The following KRT77 variants were observed in gnomAD, a reference collection of about 807,000 sequenced individuals.
The protein encoded by KRT77 is keratin 77.
In KRT77, 44 loss-of-function variants were observed where a neutral mutation model predicts 51.5. That is an observed-to-expected ratio of 0.85 (90% CI 0.67 to 1.10). The LOEUF (loss-of-function observed/expected upper bound fraction) is 1.10. KRT77 is among the 50% of genes least tolerant of loss of function. KRT77 has a pLI of 0.00. For synonymous variants in KRT77, 293 were observed against 302.0 expected, an observed-to-expected ratio of 0.97 and a Z score of 0.31; for missense variants, 763 against 743.9, an observed-to-expected ratio of 1.03 and a Z score of -0.30.
At position 52,697,702 on chromosome 12, in the gene KRT77, G is replaced by A. The variant is rs761226338; in HGVS notation, c.738C>T (p.Val246=). ...CTCACTTGCTCTTGTAGTCCTCCAC[G>A]ACATCCTGCATGCTCCTGACCTCCG... ...QNAEVRSMQD[V]VEDYKSKYED... is the part of the protein sequence containing the mutation. Residue 246 remains valine, a synonymous_variant, in exon 2 of 9, where the codon GTC becomes GTT. Transcript: ENST00000341809. 6.6e-5 allele frequency: 107 copies of A among 1,613,100 alleles called. No homozygotes were observed. Among genetic ancestry groups the A allele is most frequent in the Non-Finnish European group, 8.3e-5 (98 of 1,179,688 alleles).
rs545672766 is a variant in KRT77 at position 52,692,751 on chromosome 12, C to T, written c.1206+4G>A. On this transcript the variant is annotated splice_donor_region_variant and intron_variant, in intron 6 of 8. Coordinates refer to ENST00000341809, the MANE Select transcript of KRT77 (RefSeq NM_175078.3). Reference sequence around the variant, plus strand: ...GGTCAGCCCTCCCTAAGCACCCGTCCCACCTGCTTCTTCACGTTGCTGATC... The same window carrying T: ...GGTCAGCCCTCCCTAAGCACCCGTCTCACCTGCTTCTTCACGTTGCTGATC... 71 of 1,604,036 alleles carry T rather than the reference C, an allele frequency of 4.4e-5. 4 individuals are homozygous for T. The South Asian group carries it at 6.7e-4, about 15-fold the overall frequency.
intron 4 of KRT77, 75 bp from the exon 5 acceptor site, chr12:52,694,865 A>G: frequency 7.5e-7 from 1 of 1,335,466 alleles, no homozygotes. Flanking sequence ...CTGCTCCCTC[A>G]AGGCTCTCGG....
At position 52,700,991 on chromosome 12, in the gene KRT77, A is replaced by C. The variant is rs543110939; in HGVS notation, c.543+1901T>G. Among the ~76,000 whole-genome samples, 9 of 152,294 alleles carry C rather than the reference A, an allele frequency of 5.9e-5. No homozygotes were observed. In the East Asian group the frequency reaches 1.7e-3, roughly 29 times the overall value. On this transcript the variant is annotated intron_variant, in intron 1 of 8. Coordinates refer to ENST00000341809, the MANE Select transcript of KRT77 (RefSeq NM_175078.3). ...AGCCAGGCCACAGCCCACCTGGCTG[A>C]GAAGCCTCTCCTCATAGTCATCATA...
chr12:52,695,947 G>T (rs1261343011), intron 3 of KRT77, 80 bp from the exon 4 acceptor site: 1 of 881,962 alleles, frequency 1.1e-6, no homozygotes, highest in Non-Finnish European at 1.9e-6. Context: ...TCAGGCGAGT[G>T]GCAGAGCCAC....
At chr12:52,701,313 G>T (rs937431970) in intron 1 of KRT77, among the ~76,000 whole-genome samples, 1 of 152,192 alleles carries the variant, frequency 6.6e-6, no homozygotes, top group African/African-American at 2.4e-5. Flanking sequence ...CAGCATGATC[G>T]GAAGCCACGG....
At chr12:52,702,663 A>G (rs1486453745) in intron 1 of KRT77, among the ~76,000 whole-genome samples, 2 of 151,960 alleles carry the variant, frequency 1.3e-5, no homozygotes, top group Non-Finnish European at 2.9e-5. Context: ...AGGGTACTAC[A>G]CCATGTATCT....
chr12:52,697,172 T>C (rs539785661), intron 2 of KRT77, among the ~76,000 whole-genome samples: 2 of 152,214 alleles, frequency 1.3e-5, no homozygotes, highest in Non-Finnish European at 2.9e-5. Flanking sequence ...TCCACAAGCA[T>C]CAGCATCACT....
intron 5 of KRT77, among the ~76,000 whole-genome samples, chr12:52,693,171 T>C (rs1941742848): frequency 6.6e-6 from 1 of 150,640 alleles, no homozygotes; most frequent in African/African-American, 2.4e-5. Context: ...TACCACCTTT[T>C]CACACATCTA....
intron 7 of KRT77, 112 bp from the exon 8 acceptor site, chr12:52,692,084 G>T: frequency 8.5e-7 from 1 of 1,178,688 alleles, no homozygotes; most frequent in African/African-American, 1.5e-5. Context: ...AAATGTGTGT[G>T]CATGAGCAGA....
rs199965086 is a variant in KRT77, at chr12:52,692,518, G to C, written c.1330C>G (p.Arg444Gly). 1 of 1,613,892 alleles carries C rather than the reference G, an allele frequency of 6.2e-7. No homozygotes were observed. Among genetic ancestry groups the C allele is most frequent in the Non-Finnish European group, 8.5e-7 (1 of 1,180,000 alleles). ...ATGGCCTGGTAGTCACGCAGCAGCC[G>C]GGCCAGCTCCTCCTTGGACTGCTGC... ...ALQQSKEELA[R>G]LLRDYQAMLG... Residue 444 changes from arginine (R) to glycine (G), a missense_variant, in exon 7 of 9, where the codon CGG becomes GGG. Coordinates refer to ENST00000341809, the MANE Select transcript of KRT77 (RefSeq NM_175078.3).
At chr12:52,698,005 TGGCTCCTCCAAG>T (rs1232882317) in intron 1 of KRT77, 109 bp from the exon 2 acceptor site, 1 of 1,415,434 alleles carries the variant, frequency 7.1e-7, no homozygotes, top group African/African-American at 1.4e-5. Flanking sequence ...AGAATCAGGA[TGGCTCCTCCAAG>T]GGTCAGAGAG....
Position 52,695,866 on chromosome 12 carries a change from T to C in KRT77, c.821A>G (p.Asp274Gly), listed in dbSNP as rs1941788492. 1.9e-6 allele frequency: 3 copies of C among 1,600,144 alleles called. No homozygotes were observed. The East Asian group carries it at 6.7e-5, about 36-fold the overall frequency. ...TTTGCTCACATAAGCAGCATCCACA[T>C]CCTGAATAGCAGGCAGAAACAGTTT... ...SENDFVVLKK[D>G]VDAAYVSKVD... The change falls in exon 4 of 9, where the codon GAT becomes GGT. Residue 274 changes from aspartate to glycine, a missense_variant and splice_region_variant. By Grantham distance (94) the Asp-to-Gly change is moderately conservative. Transcript: ENST00000341809.
Position 52,703,050 on chromosome 12 carries a change from G to A in KRT77, c.385C>T (p.Pro129Ser). 1.9e-6 allele frequency: 3 copies of A among 1,613,880 alleles called. No individual in the cohort carries two copies. Among genetic ancestry groups the A allele is most frequent in the Non-Finnish European group, 2.5e-6 (3 of 1,179,984 alleles). The change falls in exon 1 of 9, where the codon CCT becomes TCT. Residue 129 changes from proline (P) to serine (S), a missense_variant. Coordinates refer to ENST00000341809, the MANE Select transcript of KRT77 (RefSeq NM_175078.3). ...TGGATGCCCCCAGGAGGACAATAAGGACCAAAGCCCCCAAGCCCAAAATTG... is the reference window on the plus strand; with the variant it reads ...TGGATGCCCCCAGGAGGACAATAAGAACCAAAGCCCCCAAGCCCAAAATTG... ...TSNFGLGGFG[P>S]YCPPGGIQEV... is the part of the protein sequence containing the mutation.
intron 1 of KRT77, chr12:52,698,099 T>C (rs1941827597): frequency 2.0e-5 from 30 of 1,476,244 alleles, no homozygotes; most frequent in Non-Finnish European, 2.7e-5. Flanking sequence ...TAAGGTCAAC[T>C]TGCCTAAAAT....
intron 5 of KRT77, among the ~76,000 whole-genome samples, chr12:52,694,036 CAAA>C (rs35761312): frequency 3.1e-5 from 4 of 127,238 alleles, no homozygotes; most frequent in Admixed American, 8.2e-5. Context: ...GTTTCCATCT[CAAA>C]AAAAAAAAAA....
chr12:52,703,253 A>C lies in KRT77; in HGVS notation c.182T>G (p.Leu61Arg). The C allele has an allele frequency of 6.2e-7, 1 of 1,613,700 alleles. No homozygotes were observed. The highest frequency in any genetic ancestry group is 8.5e-7 in the Non-Finnish European group (1 of 1,179,984). ...GCTTCTACTGCCACCCAGATTGTAG[A>C]GGCTCCTAGAGCCAAACCCCCTTCC... ...IHGRGFGSRS[L>R]YNLGGSRSIS... Residue 61 changes from leucine to arginine, a missense_variant, in exon 1 of 9, where the codon CTC becomes CGC. Physicochemically the swap from Leu to Arg is moderately radical, Grantham distance 102. Coordinates refer to ENST00000341809, the MANE Select transcript of KRT77 (RefSeq NM_175078.3).
At chr12:52,695,894 C>T (rs760131781) in intron 3 of KRT77, 27 bp from the exon 4 acceptor site, 1 of 1,455,296 alleles carries the variant, frequency 6.9e-7, no homozygotes, top group Non-Finnish European at 9.7e-7. Flanking sequence ...AACAGTTTGA[C>T]TTTATTGCCC....
At chr12:52,693,503 C>T (rs574832865) in intron 5 of KRT77, 1 of 152,224 alleles carries the variant, frequency 6.6e-6, no homozygotes, top group African/African-American at 2.4e-5. Context: ...ATCCATTCCA[C>T]CCCAGAACAC....
At position 52,700,032 on chromosome 12, in the gene KRT77, A is replaced by AGTG. The variant is rs570238451; in HGVS notation, c.544-2139_544-2137dup. ...AGGGTCAGCTGATCAAGGCCAGGCC[A>AGTG]GTGTCCCAGGGGTAAGAGCTGAAAC... On this transcript the variant is annotated intron_variant, in intron 1 of 8. Transcript: ENST00000341809. Among the ~76,000 whole-genome samples the AGTG allele has an allele frequency of 7.4e-4, 112 of 152,374 alleles. No individual in the cohort carries two copies. In the South Asian group the frequency reaches 0.018, roughly 24 times the overall value.
Sources: gnomAD v4.1 joint callset for allele counts (sites outside exome capture counted in the v4.1 genomes callset) on GRCh38, gnomAD v4.1.1 for gene constraint, MANE v1.5 for transcripts, NCBI Gene and HGNC (gene_info 2026-07-23, HGNC 2026-07-21) for gene names.